RGS8: variants seen among roughly 807,000 people sequenced by gnomAD.
RGS8 encodes the protein regulator of G protein signaling 8, also known as regulator of G-protein signaling 8.
Under a neutral mutation model 21.7 loss-of-function variants are expected in RGS8, and 8 were observed. That is an observed-to-expected ratio of 0.37 (90% CI 0.22 to 0.66). RGS8 has a LOEUF of 0.66. RGS8 is among the 30% of genes least tolerant of loss of function. The probability of loss-of-function intolerance (pLI) is 0.59; values close to 1 mark genes in which losing one functional copy is unlikely to be tolerated. For missense variants in RGS8, 157 were observed against 217.9 expected (o/e 0.72, Z 1.76); for synonymous variants, 80 against 83.6 (o/e 0.96, Z 0.24).
chr1:182,695,018 T>A, the RGS8 span, among the ~76,000 whole-genome samples: 1 of 152,196 alleles, frequency 6.6e-6, no homozygotes, highest in Non-Finnish European at 1.5e-5. Context: ...TGTTGTTTTT[T>A]TCTCTCATTT....
the RGS8 span, among the ~76,000 whole-genome samples, chr1:182,751,061 G>A: frequency 1.3e-5 from 2 of 152,240 alleles, no homozygotes; most frequent in Non-Finnish European, 1.5e-5. Context: ...GGAATGTCAT[G>A]AAAATGAAAG....
At chr1:182,712,299 G>A in the RGS8 span, among the ~76,000 whole-genome samples, 1 of 152,302 alleles carries the variant, frequency 6.6e-6, no homozygotes, top group Non-Finnish European at 1.5e-5. Context: ...CATTCAGAAT[G>A]TAAACTCATA....
the RGS8 span, among the ~76,000 whole-genome samples, chr1:182,700,046 G>C: frequency 1.3e-5 from 2 of 152,232 alleles, no homozygotes; most frequent in African/African-American, 2.4e-5. Context: ...GGCGAAGCCT[G>C]TGAAGAGCCC....
At chr1:182,720,597 T>C in the RGS8 span, among the ~76,000 whole-genome samples, 1 of 152,200 alleles carries the variant, frequency 6.6e-6, no homozygotes, top group South Asian at 2.1e-4. Flanking sequence ...ATCGTCCCAT[T>C]AACCTCCTTC....
upstream of RGS8, among the ~76,000 whole-genome samples, chr1:182,689,194 T>C (rs1214960963): frequency 3.3e-5 from 5 of 151,786 alleles, no homozygotes; most frequent in Admixed American, 2.6e-4. Flanking sequence ...TTTAGTGAAA[T>C]GTAAGATCTA....
upstream of RGS8, among the ~76,000 whole-genome samples, chr1:182,673,466 AC>A (rs1440703594): frequency 6.6e-6 from 1 of 151,510 alleles, no homozygotes; most frequent in Non-Finnish European, 1.5e-5. Flanking sequence ...TCATACCAGG[AC>A]CCAGTCTTTC....
At chr1:182,666,116 A>G in intron 4 of RGS8, 83 bp from the exon 6 acceptor site, 2 of 1,220,798 alleles carry the variant, frequency 1.6e-6, no homozygotes, top group Middle Eastern at 3.8e-4. Context: ...GCTCAAGAAA[A>G]CAAATTGGAA....
the RGS8 span, among the ~76,000 whole-genome samples, chr1:182,744,919 A>C: frequency 6.6e-6 from 1 of 152,074 alleles, no homozygotes; most frequent in Non-Finnish European, 1.5e-5. Context: ...AAGCCACCCT[A>C]CCACCCCCGA....
intron 5 of RGS8, among the ~76,000 whole-genome samples, chr1:182,662,957 G>A (rs758258495): frequency 6.6e-6 from 1 of 152,024 alleles, no homozygotes; most frequent in Non-Finnish European, 1.5e-5. Flanking sequence ...GAATGGGGAG[G>A]GGGGGAAATA....
chr1:182,724,039 G>C, the RGS8 span, among the ~76,000 whole-genome samples: 2 of 151,176 alleles, frequency 1.3e-5, no homozygotes, highest in African/African-American at 4.9e-5. Context: ...TATTGATCTT[G>C]GGTGTGTCTG....
At position 182,651,288 on chromosome 1, in the gene RGS8, CAA is replaced by C. The variant is rs573959083; in HGVS notation, c.194-2987_194-2986del. ...AAAACCCATCATAGATTGAAAATACCAAGAGTCAAAAATGCACTTAATAAACC... is the reference window on the plus strand; with the variant it reads ...AAAACCCATCATAGATTGAAAATACCGAGTCAAAAATGCACTTAATAAACC... On this transcript the variant is annotated intron_variant, in intron 5 of 6. Coordinates refer to ENST00000483095, the Ensembl canonical transcript of RGS8. Among the ~76,000 whole-genome samples the C allele has an allele frequency of 7.2e-5, 11 of 152,264 alleles. No homozygotes were observed. The South Asian group carries it at 2.3e-3, about 32-fold the overall frequency.
chr1:182,671,937 A>T (rs1664184201), upstream of RGS8: 4 of 1,412,480 alleles, frequency 2.8e-6, no homozygotes, highest in East Asian at 1.1e-4. Flanking sequence ...AGCAGCCTAC[A>T]CCCAGCGGGC....
At chr1:182,714,952 A>C in the RGS8 span, among the ~76,000 whole-genome samples, 72,949 of 152,026 alleles carry the variant, frequency 0.48, 18,407 homozygotes, top group African/African-American at 0.65. Flanking sequence ...CGTTACCCCT[A>C]CGCCATCAAT....
At chr1:182,747,964 T>C in the RGS8 span, among the ~76,000 whole-genome samples, 1 of 152,240 alleles carries the variant, frequency 6.6e-6, no homozygotes, top group Non-Finnish European at 1.5e-5. Context: ...GTATGTTTTA[T>C]GCTTTTTTTA....
the RGS8 span, among the ~76,000 whole-genome samples, chr1:182,723,003 A>T: frequency 2.8e-4 from 42 of 151,598 alleles, no homozygotes; most frequent in African/African-American, 9.7e-4. Flanking sequence ...AATAAAAATA[A>T]AAATAAATAA....
upstream of RGS8, among the ~76,000 whole-genome samples, chr1:182,688,510 C>G (rs1053164708): frequency 1.3e-5 from 2 of 152,202 alleles, no homozygotes; most frequent in African/African-American, 2.4e-5. Context: ...CGCCCTAATC[C>G]TTGGAACCTG....
chr1:182,667,178 G>A (rs1407805982), intron 3 of RGS8, among the ~76,000 whole-genome samples: 1 of 152,252 alleles, frequency 6.6e-6, no homozygotes, highest in Non-Finnish European at 1.5e-5. Flanking sequence ...ACCCCCTAGA[G>A]GCTTAATGCT....
chr1:182,737,705 C>G, the RGS8 span, among the ~76,000 whole-genome samples: 1 of 152,162 alleles, frequency 6.6e-6, no homozygotes, highest in Non-Finnish European at 1.5e-5. Flanking sequence ...TCTTTATTAG[C>G]AGCATGAGAA....
the RGS8 span, among the ~76,000 whole-genome samples, chr1:182,731,139 G>A: frequency 6.6e-6 from 1 of 152,138 alleles, no homozygotes; most frequent in Non-Finnish European, 1.5e-5. Flanking sequence ...CCAAGCATAG[G>A]CACTAATTGG....
Sources: allele counts gnomAD v4.1 joint callset (sites outside exome capture counted in the v4.1 genomes callset), GRCh38; gene constraint gnomAD v4.1.1; transcripts MANE v1.5; gene names NCBI Gene and HGNC (gene_info 2026-07-23, HGNC 2026-07-21).